RFTN1: variants seen among roughly 807,000 people sequenced by gnomAD.
RFTN1 encodes the protein raftlin.
Under a neutral mutation model 46.5 loss-of-function variants are expected in RFTN1, and 26 were observed. The observed-to-expected ratio is 0.56, with a 90% confidence interval of 0.41 to 0.78. The LOEUF (loss-of-function observed/expected upper bound fraction) is 0.78. Ranked by LOEUF, RFTN1 falls within the 30% of genes least tolerant of loss-of-function variation. The probability of loss-of-function intolerance (pLI) is 0.00; values close to 1 mark genes in which losing one functional copy is unlikely to be tolerated. For synonymous variants in RFTN1, 261 were observed against 284.2 expected (o/e 0.92, Z 0.82); for missense variants, 693 against 718.7 (o/e 0.96, Z 0.41).
chr3:16,501,406 T>C (rs2076708474), intron 1 of RFTN1, among the ~76,000 whole-genome samples: 1 of 152,234 alleles, frequency 6.6e-6, no homozygotes, highest in Admixed American at 6.5e-5. Context: ...AAAAGTTCAT[T>C]TTTACTATCA....
rs758922687 is a variant in RFTN1 at position 16,451,621 on chromosome 3, C to T, written c.146-17584G>A. The stretch of plus-strand genomic sequence containing the variant: ...CTGCCAATCAGAGCACATTTCTCTT[C>T]GTGTCTTCCACCTAAAAATTTAATG... On this transcript the variant is annotated intron_variant, in intron 2 of 9. Transcript: ENST00000334133. The surrounding 1 kb of genome is among the most constrained non-coding windows in gnomAD (Gnocchi z 4.2). Among the ~76,000 whole-genome samples the T allele has an allele frequency of 7.9e-5, 12 of 152,194 alleles. No homozygotes were observed. Among genetic ancestry groups the T allele is most frequent in the Non-Finnish European group, 1.5e-4 (10 of 68,032 alleles).
intron 3 of RFTN1, among the ~76,000 whole-genome samples, chr3:16,430,371 C>T (rs2075362640): frequency 6.6e-6 from 1 of 152,186 alleles, no homozygotes; most frequent in African/African-American, 2.4e-5. Flanking sequence ...CTTGGTCTCC[C>T]AAAGTGCTGG....
In RFTN1 at chr3:16,425,895, C is replaced by G. The variant is rs979217063; in HGVS notation, c.332+7956G>C. Among the ~76,000 whole-genome samples the G allele has an allele frequency of 6.6e-6, 1 of 152,190 alleles. No homozygotes were observed. Among genetic ancestry groups the G allele is most frequent in the East Asian group, 1.9e-4 (1 of 5,190 alleles). ...CGGAGAGCTAATCAAATCCTCCACA[C>G]CCCTCAGGAAGCTAGAGAAAACTGA... On this transcript the variant is annotated intron_variant, in intron 3 of 9. Transcript: ENST00000334133. The surrounding 1 kb of genome is among the most constrained non-coding windows in gnomAD (Gnocchi z 4.3).
rs2074226430 is a variant in RFTN1, at chr3:16,387,577, TCTC to T, written c.442-9478_442-9476del. ...CTCTTCTATATCCTCAATTTCTCTC[TCTC>T]TCTCTCTCTCTCTCTCTCTCTCTCT... On this transcript the variant is annotated intron_variant, in intron 4 of 9. Coordinates refer to ENST00000334133, the MANE Select transcript of RFTN1 (RefSeq NM_015150.2). The surrounding 1 kb of genome is among the most constrained non-coding windows in gnomAD (Gnocchi z 5.2). Among the ~76,000 whole-genome samples the T allele has an allele frequency of 4.6e-5, 3 of 64,780 alleles. No homozygotes were observed. The Admixed American group carries it at 5.1e-4, about 11-fold the overall frequency. 42.5% of individuals were successfully genotyped at this position (64,780 alleles called of 152,430 possible).
At chr3:16,476,217 C>T (rs2076279857) in intron 2 of RFTN1, among the ~76,000 whole-genome samples, 1 of 152,230 alleles carries the variant, frequency 6.6e-6, no homozygotes, top group African/African-American at 2.4e-5. Context: ...AGAGGGGAAC[C>T]TTAAAGTCAA....
chr3:16,415,639 G>A (rs2075064746), intron 3 of RFTN1, among the ~76,000 whole-genome samples: 1 of 151,650 alleles, frequency 6.6e-6, no homozygotes, highest in Non-Finnish European at 1.5e-5. Context: ...GAAGAGGGTG[G>A]GGTGAAAAGA....
At chr3:16,326,740 C>A in intron 8 of RFTN1, 33 bp downstream of exon 8, 1 of 1,504,918 alleles carries the variant, frequency 6.6e-7, no homozygotes, top group South Asian at 1.1e-5. Context: ...AGTAAGTGTT[C>A]AATAGAATCC....
Position 16,403,779 on chromosome 3 carries a change from A to ATATATATT in RFTN1, c.441+5595_441+5596insAATATATA, listed in dbSNP as rs2074690553. Among the ~76,000 whole-genome samples the ATATATATT allele has an allele frequency of 5.2e-4, 6 of 11,506 alleles. 3 individuals carry two copies. Among genetic ancestry groups the ATATATATT allele is most frequent in the African/African-American group, 2.8e-3 (6 of 2,148 alleles). The allele number at this position is 11,506 out of a possible 152,430, so 7.5% of individuals were successfully genotyped here. On this transcript the variant is annotated intron_variant, in intron 4 of 9. Coordinates refer to ENST00000334133, the MANE Select transcript of RFTN1 (RefSeq NM_015150.2). The stretch of plus-strand genomic sequence containing the variant: ...ATAAAATATATAATATATAATATAT[A>ATATATATT]TTATATATTTTATATATAATATATA...
At chr3:16,501,601 G>A (rs907843012) in intron 1 of RFTN1, among the ~76,000 whole-genome samples, 15 of 152,224 alleles carry the variant, frequency 9.9e-5, no homozygotes, top group Non-Finnish European at 1.5e-4. Flanking sequence ...GCAATTATAT[G>A]CAATGATGCT....
At chr3:16,488,231 C>T (rs544782877) in intron 2 of RFTN1, among the ~76,000 whole-genome samples, 1 of 152,072 alleles carries the variant, frequency 6.6e-6, no homozygotes, top group East Asian at 1.9e-4. Flanking sequence ...TCCCGAGTAG[C>T]TGGGATTATA....
intron 8 of RFTN1, among the ~76,000 whole-genome samples, chr3:16,324,383 A>T (rs1166371011): frequency 2.0e-5 from 3 of 152,158 alleles, no homozygotes; most frequent in African/African-American, 4.8e-5. Context: ...ACCAAGGCTT[A>T]TTCCTCCTAA....
In RFTN1 at chr3:16,377,964, G is replaced by A. The variant is rs768407338; in HGVS notation, c.580C>T (p.Arg194Cys). The change falls in exon 5 of 10, where the codon CGT becomes TGT. Residue 194 changes from arginine to cysteine, a missense_variant. Arg to Cys is a radical substitution (Grantham distance 180). Coordinates refer to ENST00000334133, the MANE Select transcript of RFTN1 (RefSeq NM_015150.2). Reference sequence around the variant, plus strand: ...TTCTCCAGTGACGCGTGATCCCCACGTGCGTTTTTTGCATCTCTGGCATCC... The same window carrying A: ...TTCTCCAGTGACGCGTGATCCCCACATGCGTTTTTTGCATCTCTGGCATCC... The part of the protein sequence containing the change: ...TEDARDAKNA[R>C]GDHASLENEK... 1.2e-5 allele frequency: 20 copies of A among 1,614,076 alleles called. No individual in the cohort carries two copies. The highest frequency in any genetic ancestry group is 5.3e-5 in the African/African-American group (4 of 74,928).
chr3:16,433,592 A>G lies in RFTN1; in HGVS notation c.332+259T>C, dbSNP rs2075437704. Among the ~76,000 whole-genome samples, 1 of 152,200 alleles carries G rather than the reference A, an allele frequency of 6.6e-6. No individual in the cohort carries two copies. The highest frequency in any genetic ancestry group is 2.4e-5 in the African/African-American group (1 of 41,454). On this transcript the variant is annotated intron_variant, in intron 3 of 9. Transcript: ENST00000334133. The surrounding 1 kb of genome is among the most constrained non-coding windows in gnomAD (Gnocchi z 4.4). The stretch of plus-strand genomic sequence containing the variant: ...GGAGACATTTTTCTAGCTGAGTTTA[A>G]TCCAGTGAGTTAAAAGAGGGAAAGA...
At chr3:16,423,421 A>G (rs974366165) in intron 3 of RFTN1, among the ~76,000 whole-genome samples, 1 of 152,168 alleles carries the variant, frequency 6.6e-6, no homozygotes, top group African/African-American at 2.4e-5. Context: ...GAGAAATTCT[A>G]TCCTTACCTA....
rs2125012318 is a variant in RFTN1, at chr3:16,506,697, C to T, written c.-9+6745G>A. On this transcript the variant is annotated intron_variant, in intron 1 of 9. Transcript: ENST00000334133. The surrounding 1 kb of genome is among the most constrained non-coding windows in gnomAD (Gnocchi z 4.8). ...CACCCAAGCAGAGGTATGCAGTAGGCCGCTGGATGTACCATTTCGAGTTCA... is the reference window on the plus strand; with the variant it reads ...CACCCAAGCAGAGGTATGCAGTAGGTCGCTGGATGTACCATTTCGAGTTCA... Among the ~76,000 whole-genome samples, 1 of 151,870 alleles carries T rather than the reference C, an allele frequency of 6.6e-6. No homozygotes were observed. Among genetic ancestry groups the T allele is most frequent in the African/African-American group, 2.4e-5 (1 of 41,414 alleles).
chr3:16,382,257 G>A lies in RFTN1; in HGVS notation c.442-4155C>T, dbSNP rs9860242. On this transcript the variant is annotated intron_variant, in intron 4 of 9. Coordinates refer to ENST00000334133, the MANE Select transcript of RFTN1 (RefSeq NM_015150.2). This position sits in a 1 kb window ranked among gnomAD's most constrained non-coding sequence, Gnocchi z 4.7. ...GGTGCGTAGTCCTTTTTAACTAGAC[G>A]ACCACATTTAGATTTTATGAAGATC... Among the ~76,000 whole-genome samples the A allele has an allele frequency of 0.013, 2,026 of 152,194 alleles. 45 individuals are homozygous for A. Among genetic ancestry groups the A allele is most frequent in the African/African-American group, 0.046 (1,901 of 41,528 alleles).
At chr3:16,495,610 A>T (rs751809713) in intron 1 of RFTN1, among the ~76,000 whole-genome samples, 6 of 152,218 alleles carry the variant, frequency 3.9e-5, no homozygotes, top group Non-Finnish European at 8.8e-5. Flanking sequence ...GATGACGTAG[A>T]GATGGAGGCA....
chr3:16,482,686 C>G, intron 2 of RFTN1: 1 of 1,261,674 alleles, frequency 7.9e-7, no homozygotes, highest in Non-Finnish European at 1.1e-6. Flanking sequence ...CACTGAGCAC[C>G]ATGCATGCCA....
intron 5 of RFTN1, among the ~76,000 whole-genome samples, chr3:16,371,251 C>T (rs1364628535): frequency 6.6e-6 from 1 of 152,190 alleles, no homozygotes; most frequent in Non-Finnish European, 1.5e-5. Context: ...TTGACATTAG[C>T]AAGAAGGACA....
Sources: allele counts gnomAD v4.1 joint callset (sites outside exome capture counted in the v4.1 genomes callset), GRCh38; gene constraint gnomAD v4.1.1; non-coding constraint Gnocchi (gnomAD v3.1); transcripts MANE v1.5; gene names NCBI Gene and HGNC (gene_info 2026-07-23, HGNC 2026-07-21).